Variants in MBNL1 observed in about 807,000 individuals in gnomAD.
MBNL1 encodes the protein muscleblind-like protein 1.
In MBNL1, 8 loss-of-function variants were observed where a neutral mutation model predicts 42.2. That is an observed-to-expected ratio of 0.19 (90% confidence interval 0.11 to 0.34). The LOEUF (loss-of-function observed/expected upper bound fraction) is 0.34, where lower values mean the gene tolerates loss of function less well. MBNL1 is among the 10% of genes least tolerant of loss of function. The pLI is 1.00. For synonymous variants in MBNL1, 169 were observed against 173.9 expected, an observed-to-expected ratio of 0.97 and a Z score of 0.22; for missense variants, 309 against 495.3, an observed-to-expected ratio of 0.62 and a Z score of 3.57.
At chr3:152,274,896 G>A (rs1247714957) in intron 1 of MBNL1, among the ~76,000 whole-genome samples, 1 of 152,026 alleles carries the variant, frequency 6.6e-6, no homozygotes, top group Non-Finnish European at 1.5e-5. Flanking sequence ...ATATGCTTGT[G>A]CTATGCTAAA....
At chr3:152,393,245 G>GT (rs2097790966) in intron 2 of MBNL1, among the ~76,000 whole-genome samples, 1 of 152,240 alleles carries the variant, frequency 6.6e-6, no homozygotes, top group Non-Finnish European at 1.5e-5. Context: ...TAGACTGGGA[G>GT]TAGAAAGGGC....
At position 152,316,170 on chromosome 3, in the gene MBNL1, G is replaced by T. The variant is rs142041268; in HGVS notation, c.174+15803G>T. ...CCTCTTGTCACCTCTGGTTTATCTG[G>T]CTTAGCATATGAATTTTGAAGAATG... On this transcript the variant is annotated intron_variant, in intron 2 of 9. Transcript: ENST00000324210. 5.6e-3 allele frequency among the ~76,000 whole-genome samples: 859 copies of T among 152,206 alleles called. 1 individual carries two copies. The highest frequency in any genetic ancestry group is 9.7e-3 in the Non-Finnish European group (661 of 68,008).
chr3:152,251,655 G>A (rs1576780708), intron 2 of MBNL1, among the ~76,000 whole-genome samples: 1 of 151,808 alleles, frequency 6.6e-6, no homozygotes, highest in East Asian at 1.9e-4. Flanking sequence ...ATTTCCCCAT[G>A]ATTAGATTAC....
intron 2 of MBNL1, among the ~76,000 whole-genome samples, chr3:152,322,280 GA>G (rs1451289910): frequency 6.6e-6 from 1 of 151,900 alleles, no homozygotes; most frequent in Non-Finnish European, 1.5e-5. Context: ...ATTTAAAATG[GA>G]ATAGAATGTG....
rs183721170 is a variant in MBNL1, at chr3:152,393,189, T to C, written c.175-21752T>C. 4.6e-5 allele frequency among the ~76,000 whole-genome samples: 7 copies of C among 152,366 alleles called. No individual in the cohort carries two copies. In the East Asian group the frequency reaches 1.3e-3, roughly 29 times the overall value. ...AATCCCTTTTCCATGAATACCTGCT[T>C]TCTAGATAGTCCTGAACTGCTGGAA... On this transcript the variant is annotated intron_variant, in intron 2 of 9. Transcript: ENST00000324210.
chr3:152,432,551 T>TAA (rs2099021020), intron 3 of MBNL1, among the ~76,000 whole-genome samples, 166 bp from the exon 4 acceptor site: 1 of 152,116 alleles, frequency 6.6e-6, no homozygotes, highest in South Asian at 2.1e-4. Flanking sequence ...GTTTATTTAA[T>TAA]AAAACAGCCT....
At chr3:152,402,991 A>G (rs1242788403) in intron 2 of MBNL1, among the ~76,000 whole-genome samples, 1 of 152,210 alleles carries the variant, frequency 6.6e-6, no homozygotes, top group African/African-American at 2.4e-5. Context: ...GGAAGATACA[A>G]CAACTATTTC....
chr3:152,266,639 G>A (rs1181445982), upstream of MBNL1: 1 of 152,238 alleles, frequency 6.6e-6, no homozygotes, highest in Admixed American at 6.5e-5. Flanking sequence ...CAACCTGCTA[G>A]CAGATGCAAA....
intron 2 of MBNL1, among the ~76,000 whole-genome samples, chr3:152,393,744 A>G (rs931407452): frequency 3.9e-5 from 6 of 152,192 alleles, no homozygotes; most frequent in African/African-American, 1.4e-4. Context: ...ATATTTATTA[A>G]TGGATAAATA....
intron 2 of MBNL1, among the ~76,000 whole-genome samples, chr3:152,374,871 C>G (rs1368174797): frequency 6.6e-6 from 1 of 152,178 alleles, no homozygotes; most frequent in Non-Finnish European, 1.5e-5. Flanking sequence ...TTATTTTTCC[C>G]ATGAGCAAAG....
In MBNL1 at chr3:152,335,283, G is replaced by T. The variant is rs2088974720; in HGVS notation, c.174+34916G>T. Reference sequence around the variant, plus strand: ...AGTTTGCTAAGATACCATTTGGGTAGGCCTGCTCGCTCAAGGCCTGAGATG... The same window carrying T: ...AGTTTGCTAAGATACCATTTGGGTATGCCTGCTCGCTCAAGGCCTGAGATG... On this transcript the variant is annotated intron_variant, in intron 2 of 9. Transcript: ENST00000324210. 3 of 1,288,974 alleles carry T rather than the reference G, an allele frequency of 2.3e-6. No individual in the cohort carries two copies. The South Asian group carries it at 3.7e-5, about 16-fold the overall frequency. 79.8% of individuals were successfully genotyped at this position (1,288,974 alleles called of 1,614,324 possible).
At chr3:152,300,703 T>A (rs1364564446) in intron 2 of MBNL1, among the ~76,000 whole-genome samples, 1 of 152,190 alleles carries the variant, frequency 6.6e-6, no homozygotes, top group African/African-American at 2.4e-5. Flanking sequence ...ATGCATATAT[T>A]ATATATAAGG....
chr3:152,267,013 C>CT (rs2037364967), upstream of MBNL1: 1 of 152,404 alleles, frequency 6.6e-6, no homozygotes, highest in East Asian at 1.9e-4. Flanking sequence ...TCCTGCCACT[C>CT]TCCTGTACTA....
chr3:152,411,314 G>A (rs1446292391), intron 2 of MBNL1, among the ~76,000 whole-genome samples: 1 of 152,152 alleles, frequency 6.6e-6, no homozygotes, highest in East Asian at 1.9e-4. Context: ...GAGGTCAGGA[G>A]ATCGAGACCA....
intron 2 of MBNL1, among the ~76,000 whole-genome samples, chr3:152,373,341 GAAAAAA>G (rs35536807): frequency 6.6e-5 from 6 of 90,542 alleles, no homozygotes; most frequent in Non-Finnish European, 1.3e-4. Context: ...CTGGGGTATG[GAAAAAA>G]AAAAAAAAAA....
chr3:152,371,017 T>C (rs929720517), intron 2 of MBNL1, among the ~76,000 whole-genome samples: 1 of 152,214 alleles, frequency 6.6e-6, no homozygotes, highest in Admixed American at 6.5e-5. Flanking sequence ...AATATTGTTA[T>C]GTGTGAGTTT....
At chr3:152,286,097 A>G (rs1278069300) in intron 1 of MBNL1, among the ~76,000 whole-genome samples, 2 of 151,566 alleles carry the variant, frequency 1.3e-5, no homozygotes, top group African/African-American at 4.8e-5. Flanking sequence ...AGTTTTATCC[A>G]GGATAAAAGT....
At chr3:152,353,133 A>G (rs2095221025) in intron 2 of MBNL1, among the ~76,000 whole-genome samples, 1 of 152,218 alleles carries the variant, frequency 6.6e-6, no homozygotes, top group Non-Finnish European at 1.5e-5. Flanking sequence ...ATCAGCGAAC[A>G]AAAACACACC....
At chr3:152,314,478 C>T (rs2069282558) in intron 2 of MBNL1, among the ~76,000 whole-genome samples, 1 of 151,818 alleles carries the variant, frequency 6.6e-6, no homozygotes, top group African/African-American at 2.4e-5. Flanking sequence ...CGGGTTGAAG[C>T]GATTCTCCTG....
Sources: allele counts gnomAD v4.1 joint callset (sites outside exome capture counted in the v4.1 genomes callset), GRCh38; gene constraint gnomAD v4.1.1; transcripts MANE v1.5; gene names NCBI Gene and HGNC (gene_info 2026-07-23, HGNC 2026-07-21).